CNTNAP2: variants seen among roughly 807,000 people sequenced by gnomAD.
CNTNAP2 encodes the protein contactin associated protein 2.
Under a neutral mutation model 155.2 loss-of-function variants are expected in CNTNAP2, and 98 were observed. That is an observed-to-expected ratio of 0.63 (90% CI 0.54 to 0.75). The LOEUF is 0.75. Among genes scored for constraint, CNTNAP2 ranks in the 30% least tolerant of loss-of-function variants. The pLI, the probability that CNTNAP2 is intolerant of heterozygous loss-of-function variation, is 0.00. For missense variants in CNTNAP2, 1,727 were observed against 1,688.1 expected, an observed-to-expected ratio of 1.02 and a Z score of -0.40; for synonymous variants, 651 against 631.2, an observed-to-expected ratio of 1.03 and a Z score of -0.47.
chr7:148,337,488 G>A (rs938987818), intron 21 of CNTNAP2, among the ~76,000 whole-genome samples: 3 of 152,178 alleles, frequency 2.0e-5, no homozygotes, highest in East Asian at 1.9e-4. Flanking sequence ...GATGTGAAAC[G>A]AGGTTTGGGA....
At chr7:146,249,893 GA>G (rs1304670272) in intron 1 of CNTNAP2, among the ~76,000 whole-genome samples, 6 of 151,554 alleles carry the variant, frequency 4.0e-5, no homozygotes, top group Non-Finnish European at 8.8e-5. Context: ...TTGAAAAAAA[GA>G]AAAAAAGAAA....
chr7:147,791,581 G>A (rs555579138), intron 13 of CNTNAP2, among the ~76,000 whole-genome samples: 1 of 151,896 alleles, frequency 6.6e-6, no homozygotes, highest in Admixed American at 6.6e-5. Flanking sequence ...ATTTGCACTA[G>A]GAGAGTATAA....
intron 10 of CNTNAP2, among the ~76,000 whole-genome samples, chr7:147,407,713 C>T (rs1797033972): frequency 6.6e-6 from 1 of 152,086 alleles, no homozygotes; most frequent in South Asian, 2.1e-4. Context: ...TGTTAAGAAG[C>T]ATGTAAGCAT....
chr7:148,082,025 C>A (rs556511380), intron 15 of CNTNAP2, among the ~76,000 whole-genome samples: 2 of 151,882 alleles, frequency 1.3e-5, no homozygotes, highest in African/African-American at 2.4e-5. Context: ...TTGCTCAGGC[C>A]GGTCTTGAAC....
intron 3 of CNTNAP2, among the ~76,000 whole-genome samples, chr7:146,989,459 C>A (rs1524344): frequency 1.3e-5 from 2 of 152,134 alleles, no homozygotes; most frequent in Admixed American, 1.3e-4. Context: ...GCTAAAAGGG[C>A]TAAGAAGTTC....
intron 21 of CNTNAP2, among the ~76,000 whole-genome samples, chr7:148,301,292 T>TAAAAA (rs1191956788): frequency 8.4e-6 from 1 of 118,786 alleles, no homozygotes; most frequent in Non-Finnish European, 1.7e-5. Context: ...AGACTCCGTC[T>TAAAAA]AAAAAAAAAA....
At chr7:148,073,273 C>T (rs1803416267) in intron 15 of CNTNAP2, among the ~76,000 whole-genome samples, 3 of 152,182 alleles carry the variant, frequency 2.0e-5, no homozygotes, top group Non-Finnish European at 1.5e-5. Context: ...GATTCTCATG[C>T]TTCTAATGTA....
chr7:146,721,875 G>GTGTATATATATATATATATA (rs1332551916), intron 1 of CNTNAP2, among the ~76,000 whole-genome samples: 2 of 76,656 alleles, frequency 2.6e-5, no homozygotes, highest in African/African-American at 3.7e-4. Context: ...GTGTGTGTGT[G>GTGTATATATATATATATATA]TATATATATA....
chr7:146,849,797 T>G (rs923086238), intron 3 of CNTNAP2, among the ~76,000 whole-genome samples: 2 of 152,142 alleles, frequency 1.3e-5, no homozygotes, highest in Non-Finnish European at 2.9e-5. Flanking sequence ...AATACTATAT[T>G]CAAAGTGATA....
intron 9 of CNTNAP2, among the ~76,000 whole-genome samples, chr7:147,376,239 C>T (rs764060693): frequency 1.3e-5 from 2 of 151,988 alleles, no homozygotes; most frequent in Admixed American, 1.3e-4. Flanking sequence ...AGAGGGCAGT[C>T]CCAGTGTTCA....
intron 22 of CNTNAP2, among the ~76,000 whole-genome samples, chr7:148,399,080 G>A (rs1799531938): frequency 6.6e-6 from 1 of 152,118 alleles, no homozygotes; most frequent in Non-Finnish European, 1.5e-5. Flanking sequence ...TGTATAGCAG[G>A]TGTGTTCACA....
At chr7:146,702,809 G>C (rs1174636473) in intron 1 of CNTNAP2, among the ~76,000 whole-genome samples, 1 of 152,058 alleles carries the variant, frequency 6.6e-6, no homozygotes, top group African/African-American at 2.4e-5. Context: ...TGTGCTTTCA[G>C]ATGCTTGCTC....
At chr7:147,390,720 T>A (rs912486732) in intron 9 of CNTNAP2, among the ~76,000 whole-genome samples, 1 of 152,058 alleles carries the variant, frequency 6.6e-6, no homozygotes, top group African/African-American at 2.4e-5. Context: ...GGAAATCATA[T>A]CACCTTGTTA....
In CNTNAP2 at chr7:147,348,452, C is replaced by T. The variant is rs574930061; in HGVS notation, c.1499-47157C>T. ...CAAATCAAAAATCACAATAAGTTAT[C>T]GCACCGTCAGTAGGAGGCTATTATC... On this transcript the variant is annotated intron_variant, in intron 9 of 23. Coordinates refer to ENST00000361727, the MANE Select transcript of CNTNAP2 (RefSeq NM_014141.6). Among the ~76,000 whole-genome samples the T allele has an allele frequency of 3.3e-5, 5 of 151,756 alleles. No individual in the cohort carries two copies. The East Asian group carries it at 7.8e-4, about 24-fold the overall frequency.
chr7:147,539,461 G>A (rs851828), intron 11 of CNTNAP2, among the ~76,000 whole-genome samples: 105,413 of 152,012 alleles, frequency 0.69, 36,704 homozygotes, highest in Admixed American at 0.74. Flanking sequence ...CAGGCACTTA[G>A]ACAGTGACGC....
intron 2 of CNTNAP2, among the ~76,000 whole-genome samples, chr7:146,775,489 T>A (rs187722723): frequency 6.7e-6 from 1 of 148,292 alleles, no homozygotes; most frequent in African/African-American, 2.5e-5. Context: ...CATAAAACAA[T>A]CTAGAATCAA....
At chr7:146,402,984 A>G (rs1268492998) in intron 1 of CNTNAP2, among the ~76,000 whole-genome samples, 1 of 152,074 alleles carries the variant, frequency 6.6e-6, no homozygotes, top group African/African-American at 2.4e-5. Context: ...CTATACATTG[A>G]AATTAATGAC....
At chr7:146,189,976 G>C (rs1798678691) in intron 1 of CNTNAP2, among the ~76,000 whole-genome samples, 1 of 152,124 alleles carries the variant, frequency 6.6e-6, no homozygotes, top group South Asian at 2.1e-4. Context: ...CTTTAATGGA[G>C]GAGTAATTTT....
At chr7:148,164,428 T>C (rs572447426) in intron 17 of CNTNAP2, among the ~76,000 whole-genome samples, 268 of 152,100 alleles carry the variant, frequency 1.8e-3, no homozygotes, top group African/African-American at 6.3e-3. Flanking sequence ...AGAGCCAAGG[T>C]CAGGGTGGGT....
Sources: allele counts gnomAD v4.1 joint callset (sites outside exome capture counted in the v4.1 genomes callset), GRCh38; gene constraint gnomAD v4.1.1; transcripts MANE v1.5; gene names NCBI Gene and HGNC (gene_info 2026-07-23, HGNC 2026-07-21).